Variants in FHIT observed in about 807,000 individuals in gnomAD.
FHIT encodes fragile histidine triad diadenosine triphosphatase, also known as bis(5'-adenosyl)-triphosphatase.
In FHIT, 19 loss-of-function variants were observed where a neutral mutation model predicts 17.9. That is an observed-to-expected ratio of 1.06 (90% CI 0.74 to 1.56). The LOEUF (loss-of-function observed/expected upper bound fraction) is 1.56. Among genes scored for constraint, FHIT ranks in the 40% most tolerant of loss-of-function variants. The probability of loss-of-function intolerance (pLI) is 0.00; values close to 1 mark genes in which losing one functional copy is unlikely to be tolerated. For missense variants in FHIT, 248 were observed against 189.2 expected (o/e 1.31, Z -1.82); for synonymous variants, 81 against 69.7 (o/e 1.16, Z -0.81).
At chr3:60,228,137 G>T (rs1187627512) in intron 5 of FHIT, among the ~76,000 whole-genome samples, 1 of 152,042 alleles carries the variant, frequency 6.6e-6, no homozygotes, top group Non-Finnish European at 1.5e-5. Flanking sequence ...TTTAATTTTT[G>T]AACTCCCACT....
At chr3:60,594,213 G>A (rs572655947) in intron 4 of FHIT, among the ~76,000 whole-genome samples, 10 of 152,192 alleles carry the variant, frequency 6.6e-5, no homozygotes, top group East Asian at 3.9e-4. Flanking sequence ...GGAATCGCAC[G>A]GAGCTCTGTT....
At chr3:60,678,062 G>T (rs2040663925) in intron 4 of FHIT, among the ~76,000 whole-genome samples, 1 of 152,158 alleles carries the variant, frequency 6.6e-6, no homozygotes, top group Middle Eastern at 3.4e-3. Context: ...GGTTAGTACA[G>T]CCAGAGGCTT....
chr3:60,867,181 G>A (rs1704202650), intron 3 of FHIT, among the ~76,000 whole-genome samples: 2 of 151,840 alleles, frequency 1.3e-5, no homozygotes, highest in South Asian at 4.1e-4. Context: ...CAGCAAATTT[G>A]CTTATTATCT....
chr3:60,309,431 A>T (rs760220016), intron 5 of FHIT, among the ~76,000 whole-genome samples: 1 of 152,150 alleles, frequency 6.6e-6, no homozygotes, highest in Non-Finnish European at 1.5e-5. Flanking sequence ...TACTTTGAAC[A>T]CTAAAAAAAA....
chr3:60,425,963 A>G lies in FHIT; in HGVS notation c.103+110897T>C, dbSNP rs1702647849. ...CCACCTGGCTGGGGAATTGATATGT[A>G]ATATGCAGAGAATTTATGTGCACAG... On this transcript the variant is annotated intron_variant, in intron 5 of 9. Coordinates refer to ENST00000492590, the MANE Select transcript of FHIT (RefSeq NM_002012.4). Among the ~76,000 whole-genome samples, 3 of 152,150 alleles carry G rather than the reference A, an allele frequency of 2.0e-5. No homozygotes were observed. In the South Asian group the frequency reaches 6.2e-4, roughly 32 times the overall value.
chr3:60,576,949 T>TATAC (rs1553657810), intron 4 of FHIT, among the ~76,000 whole-genome samples: 5 of 146,746 alleles, frequency 3.4e-5, no homozygotes, highest in Non-Finnish European at 4.5e-5. Flanking sequence ...TCCATTTGCA[T>TATAC]ACACACACAC....
At chr3:60,443,921 G>C (rs2031121027) in intron 5 of FHIT, among the ~76,000 whole-genome samples, 1 of 152,038 alleles carries the variant, frequency 6.6e-6, no homozygotes, top group Admixed American at 6.6e-5. Context: ...CAGAATGGGA[G>C]AAAATTTTTG....
At chr3:61,205,649 T>C (rs1327586567) in intron 1 of FHIT, among the ~76,000 whole-genome samples, 1 of 152,210 alleles carries the variant, frequency 6.6e-6, no homozygotes, top group Non-Finnish European at 1.5e-5. Flanking sequence ...CTTATCCTTT[T>C]CCCACTTTTT....
chr3:60,273,727 A>G (rs1159564494), intron 5 of FHIT, among the ~76,000 whole-genome samples: 3 of 152,350 alleles, frequency 2.0e-5, no homozygotes, highest in Non-Finnish European at 2.9e-5. Flanking sequence ...GCAGCAATTA[A>G]CATGATGGTA....
chr3:61,083,744 A>G (rs1057338320), intron 2 of FHIT, among the ~76,000 whole-genome samples: 1 of 151,636 alleles, frequency 6.6e-6, no homozygotes, highest in African/African-American at 2.4e-5. Context: ...GAATTATATG[A>G]TATGTGTTTT....
intron 2 of FHIT, among the ~76,000 whole-genome samples, chr3:61,100,847 A>C (rs1328739715): frequency 6.6e-6 from 1 of 152,202 alleles, no homozygotes; most frequent in East Asian, 1.9e-4. Flanking sequence ...TGCTGACTGC[A>C]TAGATGTCTT....
At chr3:60,048,201 G>C (rs2106866495) in intron 5 of FHIT, among the ~76,000 whole-genome samples, 1 of 152,274 alleles carries the variant, frequency 6.6e-6, no homozygotes, top group African/African-American at 2.4e-5. Flanking sequence ...TTTTGAGACA[G>C]AGTCTCACTC....
chr3:60,779,081 G>A (rs1358246303), intron 4 of FHIT, among the ~76,000 whole-genome samples: 1 of 152,184 alleles, frequency 6.6e-6, no homozygotes, highest in Non-Finnish European at 1.5e-5. Context: ...ATTTCCATCA[G>A]TGCCAATCCA....
chr3:60,835,867 G>C (rs954558466), intron 3 of FHIT, among the ~76,000 whole-genome samples: 1 of 152,038 alleles, frequency 6.6e-6, no homozygotes, highest in African/African-American at 2.4e-5. Context: ...CACCTGCCTC[G>C]GCCTCCCATC....
chr3:59,958,114 C>T (rs985195801), intron 7 of FHIT, among the ~76,000 whole-genome samples: 19 of 152,194 alleles, frequency 1.2e-4, no homozygotes, highest in African/African-American at 4.6e-4. Context: ...CATCTACCAA[C>T]TGTCTTCAAA....
chr3:60,777,453 T>C lies in FHIT; in HGVS notation c.-18+44466A>G, dbSNP rs200572627. 2.6e-5 allele frequency among the ~76,000 whole-genome samples: 4 copies of C among 152,218 alleles called. No individual in the cohort carries two copies. In the East Asian group the frequency reaches 5.8e-4, roughly 22 times the overall value. On this transcript the variant is annotated intron_variant, in intron 4 of 9. Transcript: ENST00000492590. ...TAGAAAGGAAATGTTCAGGTTAAGA[T>C]AAAGGATTGTGGAGACCAAATTTTA...
intron 7 of FHIT, among the ~76,000 whole-genome samples, chr3:59,988,414 C>G (rs1709082855): frequency 1.3e-5 from 2 of 152,038 alleles, no homozygotes; most frequent in Non-Finnish European, 2.9e-5. Flanking sequence ...TCGAATAAAG[C>G]AAAATTGTAA....
chr3:60,731,262 A>G (rs1451799396), intron 4 of FHIT, among the ~76,000 whole-genome samples: 2 of 152,218 alleles, frequency 1.3e-5, no homozygotes, highest in Non-Finnish European at 2.9e-5. Context: ...CAGCAACCTC[A>G]GTTCTTACCT....
intron 5 of FHIT, among the ~76,000 whole-genome samples, chr3:60,430,218 G>C (rs1335102781): frequency 2.0e-5 from 3 of 152,044 alleles, no homozygotes; most frequent in Non-Finnish European, 1.5e-5. Flanking sequence ...CTGGAGAATA[G>C]AGCGAGTAAC....
Sources: allele counts gnomAD v4.1 joint callset (sites outside exome capture counted in the v4.1 genomes callset), GRCh38; gene constraint gnomAD v4.1.1; transcripts MANE v1.5; gene names NCBI Gene and HGNC (gene_info 2026-07-23, HGNC 2026-07-21).